Variants in PKM observed in about 807,000 individuals in gnomAD.
The protein encoded by PKM is pyruvate kinase PKM.
PKM carries 18 observed loss-of-function variants against 49.8 expected under a neutral mutation model. The observed-to-expected ratio is 0.36, with a 90% CI of 0.25 to 0.54. The LOEUF is 0.54. Among genes scored for constraint, PKM ranks in the 20% least tolerant of loss-of-function variants. The pLI, the probability that PKM is intolerant of heterozygous loss-of-function variation, is 0.89. For synonymous variants in PKM, 239 were observed against 261.8 expected (o/e 0.91, Z 0.84); for missense variants, 508 against 713.8 (o/e 0.71, Z 3.28).
intron 1 of PKM, among the ~76,000 whole-genome samples, chr15:72,224,985 G>A (rs1161279819): frequency 5.8e-5 from 8 of 138,654 alleles, no homozygotes; most frequent in African/African-American, 8.1e-5. Context: ...GCACTGGCGC[G>A]ATCTCAGCTC....
chr15:72,227,395 C>T (rs183479939), intron 1 of PKM, among the ~76,000 whole-genome samples: 20 of 152,314 alleles, frequency 1.3e-4, no homozygotes, highest in African/African-American at 4.8e-4. Context: ...TTTTCCTCTA[C>T]TCCGGTCTCA....
At position 72,199,838 on chromosome 15, in the gene PKM, A is replaced by C; in HGVS notation, c.1490-82T>G. 4.7e-6 allele frequency: 4 copies of C among 858,398 alleles called. No individual in the cohort carries two copies. In the Admixed American group the frequency reaches 7.9e-5, roughly 17 times the overall value. The allele number at this position is 858,398 out of a possible 1,614,324, so 53.2% of individuals were successfully genotyped here. On this transcript the variant is annotated intron_variant, in intron 10 of 10. Transcript: ENST00000335181. ...TGGGCAGCTGCCCCATAGCCTGAGT[A>C]CTGAACTAGGCTGGCTGACCACTAC... is the stretch of plus-strand genomic sequence containing the variant.
At chr15:72,225,475 C>T (rs1043653395) in intron 1 of PKM, among the ~76,000 whole-genome samples, 1 of 152,136 alleles carries the variant, frequency 6.6e-6, no homozygotes, top group Admixed American at 6.6e-5. Context: ...AGCCACTGCT[C>T]CCAGCCACAT....
At chr15:72,210,960 T>C (rs777846857) in intron 3 of PKM, among the ~76,000 whole-genome samples, 2 of 152,234 alleles carry the variant, frequency 1.3e-5, no homozygotes, top group African/African-American at 4.8e-5. Flanking sequence ...TTTTCCTCTA[T>C]TGATTCCAAC....
rs561110956 is a variant in PKM, at chr15:72,207,265, G to A, written c.849C>T (p.Ile283=). Residue 283 remains isoleucine, a synonymous_variant, in exon 7 of 11, where the codon ATC becomes ATT. Coordinates refer to ENST00000335181, the MANE Select transcript of PKM (RefSeq NM_002654.6). ...NHEGVRRFDE[I]LEASDGIMVA... is the part of the protein sequence containing the mutation. Reference sequence around the variant, plus strand: ...CCATGATCCCATCACTGGCCTCCAGGATTTCATCAAACCTGATGGACAAAG... The same window carrying A: ...CCATGATCCCATCACTGGCCTCCAGAATTTCATCAAACCTGATGGACAAAG... 17 of 1,614,108 alleles carry A rather than the reference G, an allele frequency of 1.1e-5. No homozygotes were observed. In the African/African-American group the frequency reaches 1.5e-4, roughly 14 times the overall value.
chr15:72,212,440 A>T (rs2082277431), intron 3 of PKM, among the ~76,000 whole-genome samples: 1 of 151,510 alleles, frequency 6.6e-6, no homozygotes, highest in Non-Finnish European at 1.5e-5. Flanking sequence ...GTGCCACTGC[A>T]CTCCAGCCTG....
intron 1 of PKM, among the ~76,000 whole-genome samples, chr15:72,227,386 T>C (rs948266167): frequency 6.6e-6 from 1 of 152,162 alleles, no homozygotes; most frequent in Non-Finnish European, 1.5e-5. Flanking sequence ...AATGAGTCAT[T>C]TTCCTCTACT....
intron 3 of PKM, 34 bp from the exon 4 acceptor site, chr15:72,210,512 C>G (rs904889433): frequency 1.9e-6 from 3 of 1,613,262 alleles, no homozygotes; most frequent in Admixed American, 3.3e-5. Flanking sequence ...CAAGCGTGCT[C>G]CCACACTAGA....
Position 72,207,139 on chromosome 15 carries a change from GA to G in PKM, c.974del (p.Ile325ThrfsTer10). ...GRCNRAGKPV[I>X]CATQMLESMI... ...GGTGGGCACATGCCTGAGTAGCACAGATGACAGGCTTCCCAGCTCGGTTGCA... is the reference window on the plus strand; with the variant it reads ...GGTGGGCACATGCCTGAGTAGCACAGTGACAGGCTTCCCAGCTCGGTTGCA... On this transcript the variant is annotated frameshift_variant, in exon 7 of 11. Coordinates refer to ENST00000335181, the MANE Select transcript of PKM (RefSeq NM_002654.6). LOFTEE classifies it high-confidence loss of function. 1 of 1,613,778 alleles carries G rather than the reference GA, an allele frequency of 6.2e-7. No homozygotes were observed. The highest frequency in any genetic ancestry group is 8.5e-7 in the Non-Finnish European group (1 of 1,180,008).
chr15:72,227,066 A>C (rs1208318202), intron 1 of PKM, among the ~76,000 whole-genome samples: 1 of 152,232 alleles, frequency 6.6e-6, no homozygotes, highest in Non-Finnish European at 1.5e-5. Context: ...CAAAGTCCCA[A>C]GTATTTAAAT....
intron 1 of PKM, chr15:72,228,484 T>C: frequency 2.4e-6 from 1 of 421,968 alleles, no homozygotes; most frequent in Non-Finnish European, 4.5e-6. Flanking sequence ...CATTTTTAAT[T>C]AGGGGAAATG....
chr15:72,211,474 CTTT>C (rs1252322137), intron 3 of PKM, among the ~76,000 whole-genome samples: 1 of 152,124 alleles, frequency 6.6e-6, no homozygotes, highest in African/African-American at 2.4e-5. Flanking sequence ...TGGCTTCAAT[CTTT>C]TTTCTTAAGC....
chr15:72,206,300 G>C (rs1220611474), intron 8 of PKM: 2 of 198,770 alleles, frequency 1.0e-5, no homozygotes, highest in African/African-American at 4.7e-5. Flanking sequence ...GAAGCCAAAG[G>C]AAGAGGGCAG....
chr15:72,203,041 C>T, intron 8 of PKM: 2 of 1,614,206 alleles, frequency 1.2e-6, no homozygotes, highest in Non-Finnish European at 1.7e-6. Context: ...TCCGTCAGAA[C>T]TATCAAAGCT....
At chr15:72,218,910 G>GC (rs1425910997) in intron 2 of PKM, 34 bp downstream of exon 2, 8 of 1,611,918 alleles carry the variant, frequency 5.0e-6, no homozygotes, top group Non-Finnish European at 6.8e-6. Flanking sequence ...TGCCCATGAA[G>GC]CCCTTTTTTG....
intron 3 of PKM, among the ~76,000 whole-genome samples, chr15:72,212,306 C>T (rs938262670): frequency 3.9e-5 from 6 of 152,026 alleles, no homozygotes; most frequent in African/African-American, 1.4e-4. Context: ...GAAACCTCGT[C>T]TCAACTTAAA....
intron 1 of PKM, among the ~76,000 whole-genome samples, chr15:72,220,807 G>T (rs8192386): frequency 0.2 from 30,425 of 151,780 alleles, 3,270 homozygotes; most frequent in East Asian, 0.41. Flanking sequence ...CCCTAAATCT[G>T]AGGAACTTCT....
intron 4 of PKM, chr15:72,210,134 A>C: frequency 1.5e-6 from 1 of 678,186 alleles, no homozygotes; most frequent in Non-Finnish European, 2.5e-6. Flanking sequence ...TTTAGGGTAA[A>C]AAAAAAAGGT....
chr15:72,228,548 A>G, intron 1 of PKM: 1 of 882,670 alleles, frequency 1.1e-6, no homozygotes, highest in Non-Finnish European at 1.6e-6. Context: ...TTAAGCCTGC[A>G]AGAACCACAA....
Sources: allele counts gnomAD v4.1 joint callset (sites outside exome capture counted in the v4.1 genomes callset), GRCh38; gene constraint gnomAD v4.1.1; transcripts MANE v1.5; gene names NCBI Gene and HGNC (gene_info 2026-07-23, HGNC 2026-07-21).